The following CCDC57 variants were observed in gnomAD, a reference collection of about 807,000 sequenced individuals.
CCDC57 encodes the protein coiled-coil domain containing 57.
In CCDC57, 118 loss-of-function variants were observed where a neutral mutation model predicts 118.9. The observed-to-expected ratio is 0.99, with a 90% confidence interval of 0.86 to 1.16. The LOEUF is 1.16. CCDC57 is among the 50% of genes most tolerant of loss of function. CCDC57 has a pLI of 0.00. For synonymous variants in CCDC57, 527 were observed against 532.9 expected (o/e 0.99, Z 0.15); for missense variants, 1,300 against 1,320.7 (o/e 0.98, Z 0.24).
At chr17:82,194,068 C>A in exon 6 of CCDC57, 2 of 1,613,974 alleles carry the variant, frequency 1.2e-6, no homozygotes, top group Admixed American at 3.3e-5. Context: ...TGGCCTCTGC[C>A]CTCTGCAGAC....
chr17:82,145,958 C>T (rs2040681285), intron 16 of CCDC57: 3 of 321,128 alleles, frequency 9.3e-6, no homozygotes, highest in East Asian at 1.4e-4. Flanking sequence ...ATATGGGCAC[C>T]GGCAGCATGA....
intron 19 of CCDC57, among the ~76,000 whole-genome samples, chr17:82,107,207 C>T (rs984770781): frequency 6.6e-6 from 1 of 152,242 alleles, no homozygotes; most frequent in Non-Finnish European, 1.5e-5. Flanking sequence ...GGAGACCAGG[C>T]CCCTGGAGTT....
At chr17:82,160,102 T>A (rs1017982094) in intron 14 of CCDC57, 1 of 152,158 alleles carries the variant, frequency 6.6e-6, no homozygotes, top group East Asian at 1.9e-4. Context: ...AGAGATGTTC[T>A]GCGTTAGAGA....
intron 9 of CCDC57, among the ~76,000 whole-genome samples, chr17:82,179,452 A>G (rs923306846): frequency 2.6e-5 from 4 of 151,988 alleles, no homozygotes; most frequent in Admixed American, 1.3e-4. Context: ...CAGAAGAGCC[A>G]GCATGCAGGG....
At chr17:82,138,448 G>A (rs1490532724) in intron 16 of CCDC57, among the ~76,000 whole-genome samples, 3 of 152,036 alleles carry the variant, frequency 2.0e-5, no homozygotes, top group East Asian at 3.9e-4. Context: ...GCACCTGGCT[G>A]AGACGGGAGG....
intron 1 of CCDC57, among the ~76,000 whole-genome samples, chr17:82,211,010 G>GAAAAAAAAAAAAAAAAAAAAAAAAAAAA (rs60817301): frequency 7.9e-6 from 1 of 126,332 alleles, no homozygotes; most frequent in Non-Finnish European, 1.6e-5. Context: ...AAAAAAAAAA[G>GAAAAAAAAAAAAAAAAAAAAAAAAAAAA]AAAAAAAAAA....
At chr17:82,203,034 G>A (rs1432453887) in intron 2 of CCDC57, among the ~76,000 whole-genome samples, 1 of 152,216 alleles carries the variant, frequency 6.6e-6, no homozygotes, top group South Asian at 2.1e-4. Context: ...CCAAACCTTT[G>A]TGGAATTGTA....
chr17:82,184,025 G>GCACACA (rs1432239867), intron 8 of CCDC57, 93 bp from the exon 8 acceptor site: 172 of 388,284 alleles, frequency 4.4e-4, no homozygotes, highest in East Asian at 1.7e-3. Context: ...ATGCGCGCGC[G>GCACACA]CGCGCGCACA....
At chr17:82,141,461 C>G (rs2040003798) in intron 16 of CCDC57, among the ~76,000 whole-genome samples, 1 of 152,222 alleles carries the variant, frequency 6.6e-6, no homozygotes, top group Admixed American at 6.5e-5. Context: ...GTTGGGATTA[C>G]AGGCGTGAGC....
chr17:82,133,048 G>A (rs570326963), intron 17 of CCDC57, among the ~76,000 whole-genome samples: 129 of 151,756 alleles, frequency 8.5e-4, no homozygotes, highest in African/African-American at 2.9e-3. Flanking sequence ...GTGAGCCACC[G>A]CACCTGGCCA....
chr17:82,118,869 A>C lies in CCDC57; in HGVS notation c.2899+8823T>G, dbSNP rs895015745. On this transcript the variant is annotated intron_variant, in intron 19 of 19. Transcript: ENST00000665763. This position sits in a 1 kb window ranked among gnomAD's most constrained non-coding sequence, Gnocchi z 4.7. ...ATCTAAGGTTAACCCTCTTCCGGCC[A>C]TTTGTAAATACTCCATTCTACTTCT... Among the ~76,000 whole-genome samples the C allele has an allele frequency of 1.1e-4, 17 of 151,566 alleles. No homozygotes were observed. The highest frequency in any genetic ancestry group is 2.5e-4 in the Non-Finnish European group (17 of 67,936).
In CCDC57 at chr17:82,158,270, G is replaced by C. The variant is rs1238383899; in HGVS notation, c.2041-322C>G. Among the ~76,000 whole-genome samples the C allele has an allele frequency of 2.6e-5, 4 of 152,206 alleles. No homozygotes were observed. In the South Asian group the frequency reaches 6.2e-4, roughly 24 times the overall value. ...AGCCTCCTCCCAGGGAGAAACAAAGGCCTCCAGAATTGCAAGTAACCGGTA... is the reference window on the plus strand; with the variant it reads ...AGCCTCCTCCCAGGGAGAAACAAAGCCCTCCAGAATTGCAAGTAACCGGTA... On this transcript the variant is annotated intron_variant, in intron 14 of 19. Transcript: ENST00000665763.
chr17:82,200,014 G>A (rs892182405), intron 3 of CCDC57, among the ~76,000 whole-genome samples: 7 of 152,192 alleles, frequency 4.6e-5, no homozygotes, highest in Non-Finnish European at 8.8e-5. Context: ...CTGCAGACGC[G>A]ATCCCTGCGG....
At chr17:82,158,270 G>T (rs1238383899) in intron 14 of CCDC57, among the ~76,000 whole-genome samples, 1 of 152,206 alleles carries the variant, frequency 6.6e-6, no homozygotes, top group Admixed American at 6.5e-5. Flanking sequence ...AGAAACAAAG[G>T]CCTCCAGAAT....
At chr17:82,124,986 A>G (rs1444267066) in intron 19 of CCDC57, among the ~76,000 whole-genome samples, 1 of 152,172 alleles carries the variant, frequency 6.6e-6, no homozygotes, top group Non-Finnish European at 1.5e-5. Flanking sequence ...TGCCCCTAAG[A>G]ATCCTGAGCA....
chr17:82,161,635 C>T lies in CCDC57; in HGVS notation c.2040+1565G>A, dbSNP rs1031144995. ...AAACATTCTACTCAATGAAAGAAGC[C>T]GGGCACAAAAGGACAACTACCATAG... is the stretch of plus-strand genomic sequence containing the variant. On this transcript the variant is annotated intron_variant, in intron 14 of 19. Coordinates refer to ENST00000665763, the Ensembl canonical transcript of CCDC57. Among the ~76,000 whole-genome samples the T allele has an allele frequency of 5.9e-5, 9 of 152,114 alleles. No homozygotes were observed. In the South Asian group the frequency reaches 6.2e-4, roughly 10 times the overall value.
chr17:82,198,532 G>A, intron 3 of CCDC57, 110 bp from the exon 3 acceptor site: 1 of 744,298 alleles, frequency 1.3e-6, no homozygotes, highest in South Asian at 1.7e-5. Flanking sequence ...TTTTATGAAG[G>A]GGTGGCTTCA....
chr17:82,161,516 A>G (rs1029646768), intron 14 of CCDC57, among the ~76,000 whole-genome samples: 1 of 152,220 alleles, frequency 6.6e-6, no homozygotes, highest in African/African-American at 2.4e-5. Flanking sequence ...TGTTGAGTGC[A>G]TGAATGATAA....
At chr17:82,140,826 G>A (rs903621711) in intron 16 of CCDC57, among the ~76,000 whole-genome samples, 5 of 152,114 alleles carry the variant, frequency 3.3e-5, no homozygotes, top group African/African-American at 1.2e-4. Context: ...GATGGCAGGT[G>A]CATCTGGAGG....
Sources: gnomAD v4.1 joint callset for allele counts (sites outside exome capture counted in the v4.1 genomes callset) on GRCh38, gnomAD v4.1.1 for gene constraint, Gnocchi (gnomAD v3.1) non-coding constraint, MANE v1.5 for transcripts, NCBI Gene and HGNC (gene_info 2026-07-23, HGNC 2026-07-21) for gene names.